The following TTN variants were observed in gnomAD, a reference collection of about 807,000 sequenced individuals.
TTN encodes connectin.
In TTN, 1,525 loss-of-function variants were observed where a neutral mutation model predicts 3,223.0. The ratio of observed to expected loss-of-function variants is 0.47; its 90% CI spans 0.45 to 0.49. TTN has a LOEUF of 0.49. Ranked by LOEUF, TTN falls within the 20% of genes least tolerant of loss-of-function variation. TTN has a pLI of 0.00. For missense variants in TTN, 40,786 were observed against 43,424.0 expected (o/e 0.94, Z 5.40); for synonymous variants, 14,094 against 15,161.0 (o/e 0.93, Z 5.17).
chr2:178,795,302 C>T, intron 6 of TTN, 50 bp from the exon 7 acceptor site: 1 of 1,564,782 alleles, frequency 6.4e-7, no homozygotes, highest in South Asian at 1.1e-5. Flanking sequence ...GGAGGGGTAA[C>T]TGGATGTGAA....
At position 178,583,246 on chromosome 2, in the gene TTN, A is replaced by G. The variant is rs1483865425; in HGVS notation, c.65576-19T>C. The G allele has an allele frequency of 6.5e-7, 1 of 1,542,962 alleles. No homozygotes were observed. Among genetic ancestry groups the G allele is most frequent in the Non-Finnish European group, 8.7e-7 (1 of 1,144,240 alleles). Reference sequence around the variant, plus strand: ...GGAGGGACTGGAAAGAAATAAGATAAAGGACTTAATGTATGCAAAGCTATA... The same window carrying G: ...GGAGGGACTGGAAAGAAATAAGATAGAGGACTTAATGTATGCAAAGCTATA... On this transcript the variant is annotated intron_variant, in intron 312 of 362. Transcript: ENST00000589042.
rs547304584 is a variant in TTN, at chr2:178,678,557, T to C, written c.33827-60A>G. The C allele has an allele frequency of 3.1e-5, 43 of 1,371,944 alleles. No individual in the cohort carries two copies. In the African/African-American group the frequency reaches 5.2e-4, roughly 17 times the overall value. The allele number at this position is 1,371,944 out of a possible 1,614,324, so 85.0% of individuals were successfully genotyped here. A position where few individuals can be genotyped will look rare whatever the true frequency, so the allele number is the denominator to read the frequency against. On this transcript the variant is annotated intron_variant, in intron 143 of 362. Coordinates refer to ENST00000589042, the MANE Select transcript of TTN (RefSeq NM_001267550.2). ...GACATAAAAATACTGATTCCAAGCA[T>C]AGTTTCAAAAGATTAAGATAAGGTA... is the stretch of plus-strand genomic sequence containing the variant.
chr2:178,698,190 T>G (rs1477112011), intron 112 of TTN, among the ~76,000 whole-genome samples: 3 of 152,176 alleles, frequency 2.0e-5, no homozygotes, highest in Non-Finnish European at 4.4e-5. Flanking sequence ...CTAAAAAAGT[T>G]GAATTCATAA....
chr2:178,775,132 G>C lies in TTN; in HGVS notation c.6579C>G (p.Thr2193=), dbSNP rs1574640695. ...VVAKEKDTMA[T]FECETSEPFV... is the part of the protein sequence containing the mutation. Reference sequence around the variant, plus strand: ...ATGGTTCTGAAGTTTCACATTCAAAGGTTGCCATAGTGTCTTTTTCCTTAG... The same window carrying C: ...ATGGTTCTGAAGTTTCACATTCAAACGTTGCCATAGTGTCTTTTTCCTTAG... The change falls in exon 29 of 363, where the codon ACC becomes ACG. Residue 2193 remains threonine (T), a synonymous_variant. Transcript: ENST00000589042. 2 of 1,613,954 alleles carry C rather than the reference G, an allele frequency of 1.2e-6. No individual in the cohort carries two copies. Among genetic ancestry groups the C allele is most frequent in the East Asian group, 4.5e-5 (2 of 44,842 alleles).
chr2:178,748,651 T>C lies in TTN; in HGVS notation c.11311+4473A>G, dbSNP rs777205495. The C allele has an allele frequency of 3.7e-6, 6 of 1,612,970 alleles. No homozygotes were observed. The Admixed American group carries it at 6.7e-5, about 18-fold the overall frequency. On this transcript the variant is annotated intron_variant, in intron 47 of 362. Transcript: ENST00000589042. ...CTTGGAATTTCACATCTGTGTGTTTTATTTGAGTGTGAAACTGCTTTAAGT... is the reference window on the plus strand; with the variant it reads ...CTTGGAATTTCACATCTGTGTGTTTCATTTGAGTGTGAAACTGCTTTAAGT...
intron 92 of TTN, 98 bp from the exon 93 acceptor site, chr2:178,713,470 C>CAG: frequency 2.1e-6 from 3 of 1,435,868 alleles, no homozygotes; most frequent in Non-Finnish European, 2.7e-6. Context: ...TTTTGATGGA[C>CAG]TATCCCTAGA....
intron 112 of TTN, 53 bp from the exon 113 acceptor site, chr2:178,697,221 T>TA (rs1270313200): frequency 3.6e-6 from 5 of 1,370,574 alleles, no homozygotes; most frequent in Non-Finnish European, 4.9e-6. Context: ...TACATTATTA[T>TA]TAATGTTTAC....
At chr2:178,683,583 A>G (rs1360301036) in intron 133 of TTN, among the ~76,000 whole-genome samples, 1 of 152,112 alleles carries the variant, frequency 6.6e-6, no homozygotes, top group Non-Finnish European at 1.5e-5. Context: ...GAAGCATTAG[A>G]CAGAAACCTA....
At chr2:178,720,358 T>A in intron 80 of TTN, 27 bp downstream of exon 80, 1 of 1,596,332 alleles carries the variant, frequency 6.3e-7, no homozygotes, top group Non-Finnish European at 8.5e-7. Context: ...GGAAGGGGCA[T>A]ATATTTTTGT....
chr2:178,641,183 T>G, intron 220 of TTN, 58 bp downstream of exon 220: 1 of 1,170,878 alleles, frequency 8.5e-7, no homozygotes, highest in Non-Finnish European at 1.2e-6. Context: ...GATAAACCTT[T>G]TGTTAAATGT....
intron 199 of TTN, 25 bp downstream of exon 199, chr2:178,653,016 G>A: frequency 6.2e-7 from 1 of 1,611,340 alleles, no homozygotes; most frequent in Non-Finnish European, 8.5e-7. Context: ...TCAGTCTTCT[G>A]AAGCCTAAAG....
chr2:178,784,656 A>G (rs540171055), intron 15 of TTN, among the ~76,000 whole-genome samples: 2 of 152,354 alleles, frequency 1.3e-5, no homozygotes, highest in South Asian at 2.1e-4. Flanking sequence ...ACGAATTTTC[A>G]CTTAACCATT....
intron 288 of TTN, 45 bp from the exon 289 acceptor site, chr2:178,599,895 A>G (rs1167433291): frequency 6.7e-7 from 1 of 1,498,674 alleles, no homozygotes; most frequent in East Asian, 2.3e-5. Flanking sequence ...AAAAGCATTG[A>G]GGGATAGAAA....
At chr2:178,697,838 A>G (rs1232591532) in intron 112 of TTN, among the ~76,000 whole-genome samples, 4 of 152,206 alleles carry the variant, frequency 2.6e-5, no homozygotes, top group Non-Finnish European at 4.4e-5. Context: ...GATCACCTAA[A>G]TCAGGAAAGA....
At chr2:178,658,237 TTTC>T in intron 185 of TTN, 32 bp downstream of exon 185, 3 of 1,144,114 alleles carry the variant, frequency 2.6e-6, no homozygotes, top group Non-Finnish European at 3.6e-6. Flanking sequence ...GGAAGAGAGA[TTTC>T]TTCTGCAGGA....
intron 47 of TTN, among the ~76,000 whole-genome samples, chr2:178,752,656 T>G (rs911010075): frequency 1.4e-4 from 21 of 152,168 alleles, no homozygotes; most frequent in African/African-American, 4.6e-4. Context: ...GTGAATGAAG[T>G]GTAAACCAGA....
rs2154291092 is a variant in TTN, at chr2:178,704,388, A to G, written c.29982T>C (p.His9994=). 1 of 1,613,544 alleles carries G rather than the reference A, an allele frequency of 6.2e-7. No homozygotes were observed. The highest frequency in any genetic ancestry group is 8.5e-7 in the Non-Finnish European group (1 of 1,179,490). ...CTTCTTTCAGAGTCACATCCTGAAG[A>G]TGCCGTTCCCATGCAGGCTCTGTTC... ...LTVIEPAWER[H]LQDVTLKEGQ... Residue 9994 remains histidine, a synonymous_variant, in exon 106 of 363, where the codon CAT becomes CAC. Coordinates refer to ENST00000589042, the MANE Select transcript of TTN (RefSeq NM_001267550.2).
In TTN at chr2:178,724,524, C is replaced by T. The variant is rs907454028; in HGVS notation, c.20851G>A (p.Val6951Ile). Residue 6951 changes from valine (V) to isoleucine (I), a missense_variant, in exon 72 of 363, where the codon GTT becomes ATT. Val to Ile is a conservative substitution (Grantham distance 29). Coordinates refer to ENST00000589042, the MANE Select transcript of TTN (RefSeq NM_001267550.2). ...ACCGTCATCGGTCCTGCCTTCTCAACAATGACTGCGGGCTCTGAAATAAAA... is the reference window on the plus strand; with the variant it reads ...ACCGTCATCGGTCCTGCCTTCTCAATAATGACTGCGGGCTCTGAAATAAAA... ...TLMVLEPAVIVEKAGPMTVTV... is the reference protein window; with the variant it reads ...TLMVLEPAVIIEKAGPMTVTV... The T allele has an allele frequency of 1.9e-6, 3 of 1,594,942 alleles. No individual in the cohort carries two copies. The highest frequency in any genetic ancestry group is 1.7e-5 in the Admixed American group (1 of 58,480).
intron 281 of TTN, 91 bp from the exon 282 acceptor site, chr2:178,604,396 G>A: frequency 2.8e-6 from 3 of 1,065,872 alleles, no homozygotes; most frequent in Non-Finnish European, 3.8e-6. Flanking sequence ...TGGGAGGGAT[G>A]ACTGTAAGAA....
Sources: gnomAD v4.1 joint callset for allele counts (sites outside exome capture counted in the v4.1 genomes callset) on GRCh38, gnomAD v4.1.1 for gene constraint, MANE v1.5 for transcripts, NCBI Gene and HGNC (gene_info 2026-07-23, HGNC 2026-07-21) for gene names.